YEATS4: variants seen among roughly 807,000 people sequenced by gnomAD.
The protein encoded by YEATS4 is YEATS domain-containing protein 4.
YEATS4 carries 17 observed loss-of-function variants against 30.1 expected under a neutral mutation model. That is an observed-to-expected ratio of 0.56 (90% CI 0.39 to 0.85). The LOEUF (loss-of-function observed/expected upper bound fraction) is 0.85, where lower values mean the gene tolerates loss of function less well. YEATS4 is among the 40% of genes least tolerant of loss of function. The probability of loss-of-function intolerance (pLI) is 0.00; values close to 1 mark genes in which losing one functional copy is unlikely to be tolerated. For synonymous variants in YEATS4, 85 were observed against 87.5 expected (o/e 0.97, Z 0.16); for missense variants, 142 against 268.3 (o/e 0.53, Z 3.29).
At chr12:69,420,139 C>T in the YEATS4 span, among the ~76,000 whole-genome samples, 5 of 152,206 alleles carry the variant, frequency 3.3e-5, no homozygotes, top group Admixed American at 6.5e-5. Context: ...AGAATCCTGA[C>T]TAATTTTCAT....
At chr12:69,412,259 G>T in the YEATS4 span, among the ~76,000 whole-genome samples, 2 of 152,158 alleles carry the variant, frequency 1.3e-5, no homozygotes, top group African/African-American at 2.4e-5. Context: ...TGGATGGAAG[G>T]TTCCCTGCAG....
intron 6 of YEATS4, among the ~76,000 whole-genome samples, chr12:69,388,197 A>G (rs1486088496): frequency 6.6e-6 from 1 of 152,084 alleles, no homozygotes; most frequent in African/African-American, 2.4e-5. Context: ...CGTAGCTGGG[A>G]CTACAAGTGC....
At chr12:69,413,353 G>GAAAAAAAAAAAAAAAAAA in the YEATS4 span, among the ~76,000 whole-genome samples, 1 of 110,632 alleles carries the variant, frequency 9.0e-6, no homozygotes, top group Non-Finnish European at 1.8e-5. Context: ...GTCTCTAAAT[G>GAAAAAAAAAAAAAAAAAA]AAAAAAAAAA....
chr12:69,383,807 T>C (rs1291007072), intron 6 of YEATS4, among the ~76,000 whole-genome samples: 1 of 152,162 alleles, frequency 6.6e-6, no homozygotes, highest in African/African-American at 2.4e-5. Flanking sequence ...GGCAACTCTG[T>C]CTTGAAGCCT....
At chr12:69,391,738 A>G (rs1453511077), downstream of YEATS4, among the ~76,000 whole-genome samples, 3 of 152,150 alleles carry the variant, frequency 2.0e-5, no homozygotes, top group African/African-American at 7.2e-5. Flanking sequence ...TGCCAGGCTT[A>G]TCATGATAAG....
the YEATS4 span, among the ~76,000 whole-genome samples, chr12:69,413,849 C>CA: frequency 9.9e-4 from 126 of 127,268 alleles, no homozygotes; most frequent in East Asian, 7.2e-3. Context: ...AAGACTTCGT[C>CA]AAAAAAAAAA....
intron 6 of YEATS4, among the ~76,000 whole-genome samples, chr12:69,381,620 T>C (rs1476263946): frequency 6.6e-6 from 1 of 152,188 alleles, no homozygotes; most frequent in Non-Finnish European, 1.5e-5. Context: ...ATCTTCACAA[T>C]TTATGTTCAG....
chr12:69,381,252 C>T (rs939933967), intron 6 of YEATS4, among the ~76,000 whole-genome samples: 1 of 152,186 alleles, frequency 6.6e-6, no homozygotes, highest in Admixed American at 6.5e-5. Flanking sequence ...TTCTCTTTCT[C>T]AGGGATGTTC....
At chr12:69,383,185 G>A (rs1231401105) in intron 6 of YEATS4, among the ~76,000 whole-genome samples, 1 of 152,092 alleles carries the variant, frequency 6.6e-6, no homozygotes, top group African/African-American at 2.4e-5. Flanking sequence ...GATTACTTGA[G>A]CCCAGGAGGG....
chr12:69,397,684 T>C, the YEATS4 span, among the ~76,000 whole-genome samples: 1 of 152,176 alleles, frequency 6.6e-6, no homozygotes, highest in Admixed American at 6.5e-5. Flanking sequence ...GGTATGTCTT[T>C]ATTAGCAGCA....
chr12:69,369,001 G>A (rs1875541877), intron 4 of YEATS4, among the ~76,000 whole-genome samples: 1 of 152,176 alleles, frequency 6.6e-6, no homozygotes, highest in African/African-American at 2.4e-5. Flanking sequence ...GCTGAGGCAG[G>A]AGTATCATTT....
At chr12:69,360,056 G>A in intron 1 of YEATS4, 33 bp downstream of exon 1, 5 of 1,606,068 alleles carry the variant, frequency 3.1e-6, no homozygotes, top group South Asian at 1.1e-5. Flanking sequence ...TTCCGGGGTG[G>A]CTCTCCCGCC....
chr12:69,369,291 G>A (rs183658910), intron 4 of YEATS4, among the ~76,000 whole-genome samples: 184 of 151,960 alleles, frequency 1.2e-3, no homozygotes, highest in African/African-American at 3.8e-3. Flanking sequence ...ATCCTTTTTC[G>A]TCCTCTTTCC....
the YEATS4 span, among the ~76,000 whole-genome samples, chr12:69,405,687 C>T: frequency 6.6e-6 from 1 of 152,216 alleles, no homozygotes; most frequent in African/African-American, 2.4e-5. Context: ...ATCTGCTGGA[C>T]ACAGGGATGA....
At chr12:69,375,116 G>T in intron 6 of YEATS4, among the ~76,000 whole-genome samples, 1 of 151,272 alleles carries the variant, frequency 6.6e-6, no homozygotes, top group Non-Finnish European at 1.5e-5. Flanking sequence ...CGGGGTGGCT[G>T]CTGGGCGGAG....
At chr12:69,409,359 A>G in the YEATS4 span, among the ~76,000 whole-genome samples, 11 of 152,236 alleles carry the variant, frequency 7.2e-5, no homozygotes, top group Non-Finnish European at 8.8e-5. Flanking sequence ...GCTTACGCCT[A>G]TAATCCCAGC....
At chr12:69,424,566 G>A in the YEATS4 span, among the ~76,000 whole-genome samples, 41,971 of 152,042 alleles carry the variant, frequency 0.28, 6,860 homozygotes, top group Non-Finnish European at 0.37. Flanking sequence ...AATTGTAATC[G>A]TCAGGGGTTG....
the YEATS4 span, among the ~76,000 whole-genome samples, chr12:69,411,988 A>G: frequency 6.6e-6 from 1 of 152,202 alleles, no homozygotes; most frequent in Admixed American, 6.5e-5. Context: ...GAGCAACATG[A>G]TCTGACTTCA....
At chr12:69,408,035 G>C in the YEATS4 span, among the ~76,000 whole-genome samples, 1 of 152,190 alleles carries the variant, frequency 6.6e-6, no homozygotes, top group South Asian at 2.1e-4. Flanking sequence ...CTTAACAATG[G>C]TTCTCACTGA....
Sources: gnomAD v4.1 joint callset for allele counts (sites outside exome capture counted in the v4.1 genomes callset) on GRCh38, gnomAD v4.1.1 for gene constraint, MANE v1.5 for transcripts, NCBI Gene and HGNC (gene_info 2026-07-23, HGNC 2026-07-21) for gene names.